The following ADCYAP1R1 variants were observed in gnomAD, a reference collection of about 807,000 sequenced individuals.
The protein encoded by ADCYAP1R1 is ADCYAP receptor type I.
Under a neutral mutation model 67.6 loss-of-function variants are expected in ADCYAP1R1, and 44 were observed. That is an observed-to-expected ratio of 0.65 (90% confidence interval 0.51 to 0.84). The LOEUF is 0.84. Ranked by LOEUF, ADCYAP1R1 falls within the 40% of genes least tolerant of loss-of-function variation. ADCYAP1R1 has a pLI of 0.00. For missense variants in ADCYAP1R1, 477 were observed against 587.9 expected, an observed-to-expected ratio of 0.81 and a Z score of 1.95; for synonymous variants, 222 against 219.6, an observed-to-expected ratio of 1.01 and a Z score of -0.10.
chr7:31,059,705 G>A lies in ADCYAP1R1; in HGVS notation c.-71-3489G>A, dbSNP rs552004637. On this transcript the variant is annotated intron_variant, in intron 1 of 15. Transcript: ENST00000304166. ...CACTGCAGAGAAGCACTTGGTTTGG[G>A]GCAGGCAGCCTAAGTCTGTAAGCTC... is the stretch of plus-strand genomic sequence containing the variant. 6.6e-5 allele frequency among the ~76,000 whole-genome samples: 10 copies of A among 152,264 alleles called. No individual in the cohort carries two copies. In the East Asian group the frequency reaches 1.9e-3, roughly 29 times the overall value.
At chr7:31,091,345 T>C (rs1437227964) in intron 12 of ADCYAP1R1, among the ~76,000 whole-genome samples, 1 of 152,260 alleles carries the variant, frequency 6.6e-6, no homozygotes, top group Non-Finnish European at 1.5e-5. Flanking sequence ...TTTGCAAATA[T>C]ATTCTCCCAT....
chr7:31,090,267 C>A (rs1292348544), intron 12 of ADCYAP1R1, among the ~76,000 whole-genome samples: 1 of 152,146 alleles, frequency 6.6e-6, no homozygotes, highest in African/African-American at 2.4e-5. Flanking sequence ...TTTCTCTCAT[C>A]ATTTAAAATA....
chr7:31,057,613 TTGTC>T, intron 1 of ADCYAP1R1, among the ~76,000 whole-genome samples: 1 of 151,824 alleles, frequency 6.6e-6, no homozygotes, highest in East Asian at 1.9e-4. Context: ...GCCCAGGAGT[TTGTC>T]TGTGCCCTTT....
At chr7:31,083,247 C>G (rs766915826) in intron 6 of ADCYAP1R1, among the ~76,000 whole-genome samples, 1 of 152,230 alleles carries the variant, frequency 6.6e-6, no homozygotes, top group Non-Finnish European at 1.5e-5. Context: ...TGCTTGCTCA[C>G]CCCCCTGCCC....
intron 15 of ADCYAP1R1, among the ~76,000 whole-genome samples, chr7:31,106,100 C>T (rs1796633158): frequency 6.6e-6 from 1 of 152,220 alleles, no homozygotes. Flanking sequence ...TAAAGCCCCC[C>T]AGGTAATTCT....
At chr7:31,054,705 G>C (rs148812236) in intron 1 of ADCYAP1R1, among the ~76,000 whole-genome samples, 1 of 152,116 alleles carries the variant, frequency 6.6e-6, no homozygotes, top group Admixed American at 6.5e-5. Flanking sequence ...AGGACATCTT[G>C]TGCTGTCTGC....
intron 3 of ADCYAP1R1, among the ~76,000 whole-genome samples, chr7:31,069,502 A>G (rs1271806192): frequency 6.6e-6 from 1 of 152,220 alleles, no homozygotes; most frequent in Non-Finnish European, 1.5e-5. Context: ...ATACTTGTAT[A>G]TATTTTGTGT....
In ADCYAP1R1 at chr7:31,068,215, G is replaced by GCGCACACACA. The variant is rs35207713; in HGVS notation, c.157+3280_157+3281insGCACACACAC. Among the ~76,000 whole-genome samples, 1,255 of 149,986 alleles carry GCGCACACACA rather than the reference G, an allele frequency of 8.4e-3. 6 individuals carry two copies. Among genetic ancestry groups the GCGCACACACA allele is most frequent in the Admixed American group, 0.011 (165 of 15,046 alleles). On this transcript the variant is annotated intron_variant, in intron 3 of 15. Coordinates refer to ENST00000304166, the MANE Select transcript of ADCYAP1R1 (RefSeq NM_001118.5). ...CTCAGACACGCACGCATGTGCGCGC[G>GCGCACACACA]CACACACACACACACACACACACGT... is the stretch of plus-strand genomic sequence containing the variant.
At chr7:31,097,208 GAATC>G (rs1796230451) in intron 13 of ADCYAP1R1, among the ~76,000 whole-genome samples, 1 of 152,206 alleles carries the variant, frequency 6.6e-6, no homozygotes, top group Non-Finnish European at 1.5e-5. Context: ...CCCACTTTCT[GAATC>G]AGGCTGCTCT....
chr7:31,109,405 C>T lies in ADCYAP1R1; in HGVS notation c.*2721C>T, dbSNP rs1388100429. On this transcript the variant is annotated 3_prime_UTR_variant, in exon 16 of 16. Transcript: ENST00000304166. ...ATGATTTGTATATAGCCCAATGCAT[C>T]TCTGGAACTCTGTCTAAACACCAGC... 2 of 152,320 alleles carry T rather than the reference C, an allele frequency of 1.3e-5. No homozygotes were observed. Among genetic ancestry groups the T allele is most frequent in the Non-Finnish European group, 2.9e-5 (2 of 68,064 alleles). 9.4% of individuals were successfully genotyped at this position (152,320 alleles called of 1,614,324 possible).
chr7:31,087,736 G>A, intron 12 of ADCYAP1R1, 40 bp downstream of exon 12: 1 of 1,570,526 alleles, frequency 6.4e-7, no homozygotes, highest in Non-Finnish European at 8.7e-7. Flanking sequence ...AAGAGACAGG[G>A]TCTTGGGCAG....
chr7:31,080,697 C>T (rs1392684424), intron 5 of ADCYAP1R1, 64 bp downstream of exon 5: 3 of 1,545,194 alleles, frequency 1.9e-6, no homozygotes, highest in Non-Finnish European at 2.7e-6. Flanking sequence ...AGCCCAGCCT[C>T]AGGAGATCCC....
Position 31,106,730 on chromosome 7 carries a change from C to A in ADCYAP1R1, c.*46C>A. ...CTCTCCTCCATCCACAGGCTGGGAC[C>A]GCAGGCAGGTGCCAGCCCACGCATG... On this transcript the variant is annotated 3_prime_UTR_variant, in exon 16 of 16. Coordinates refer to ENST00000304166, the MANE Select transcript of ADCYAP1R1 (RefSeq NM_001118.5). 5.9e-6 allele frequency: 9 copies of A among 1,530,630 alleles called. No homozygotes were observed. Among genetic ancestry groups the A allele is most frequent in the Non-Finnish European group, 7.9e-6 (9 of 1,137,630 alleles). 94.8% of individuals were successfully genotyped at this position (1,530,630 alleles called of 1,614,324 possible). A position where few individuals can be genotyped will look rare whatever the true frequency, so the allele number is the denominator to read the frequency against.
At chr7:31,089,306 CTCTT>C (rs1795870044) in intron 12 of ADCYAP1R1, among the ~76,000 whole-genome samples, 1 of 151,976 alleles carries the variant, frequency 6.6e-6, no homozygotes, top group East Asian at 1.9e-4. Flanking sequence ...ATAAATTTTG[CTCTT>C]TCTTTCCAGT....
Position 31,091,978 on chromosome 7 carries a change from G to A in ADCYAP1R1, c.955-666G>A, listed in dbSNP as rs568176624. 3.3e-5 allele frequency among the ~76,000 whole-genome samples: 5 copies of A among 150,522 alleles called. No homozygotes were observed. The East Asian group carries it at 7.8e-4, about 24-fold the overall frequency. On this transcript the variant is annotated intron_variant, in intron 12 of 15. Transcript: ENST00000304166. Reference sequence around the variant, plus strand: ...GCTTAAGTGTTTTTCAGTATTTATTGTTTTTTTAATCAGTTAGTTTTTGGC... The same window carrying A: ...GCTTAAGTGTTTTTCAGTATTTATTATTTTTTTAATCAGTTAGTTTTTGGC...
In ADCYAP1R1 at chr7:31,078,077, C is replaced by A. The variant is rs1221696090; in HGVS notation, c.244C>A (p.Arg82=). The A allele has an allele frequency of 6.2e-7, 1 of 1,612,370 alleles. No homozygotes were observed. The highest frequency in any genetic ancestry group is 1.1e-5 in the South Asian group (1 of 90,864). ...CCTGGTCAGCTGCCCTGAGCTCTTC[C>A]GAATCTTCAACCCAGACCAAGGTGG... ...MVLVSCPELF[R]IFNPDQVWET... is the part of the protein sequence containing the mutation. Residue 82 remains arginine, a synonymous_variant, in exon 4 of 16, where the codon CGA becomes AGA. Transcript: ENST00000304166.
At chr7:31,100,224 G>T (rs1320718311) in intron 13 of ADCYAP1R1, 1 of 1,550,244 alleles carries the variant, frequency 6.5e-7, no homozygotes, top group Non-Finnish European at 8.7e-7. Flanking sequence ...AGTGTGCGTG[G>T]CCGAGGCTGT....
intron 13 of ADCYAP1R1, among the ~76,000 whole-genome samples, chr7:31,099,146 C>T (rs1393979053): frequency 6.6e-6 from 1 of 152,218 alleles, no homozygotes; most frequent in Non-Finnish European, 1.5e-5. Context: ...AGTCCTGGGT[C>T]CACCCAGGAG....
At chr7:31,101,069 T>C (rs1796415310) in intron 13 of ADCYAP1R1, among the ~76,000 whole-genome samples, 1 of 152,212 alleles carries the variant, frequency 6.6e-6, no homozygotes, top group African/African-American at 2.4e-5. Flanking sequence ...CCCAGAACCC[T>C]GGGCTCTAGA....
Sources: allele counts gnomAD v4.1 joint callset (sites outside exome capture counted in the v4.1 genomes callset), GRCh38; gene constraint gnomAD v4.1.1; transcripts MANE v1.5; gene names NCBI Gene and HGNC (gene_info 2026-07-23, HGNC 2026-07-21).